TBX3: variants seen among roughly 807,000 people sequenced by gnomAD.
The protein encoded by TBX3 is T-box transcription factor TBX3.
In TBX3, 11 loss-of-function variants were observed where a neutral mutation model predicts 47.8. The observed-to-expected ratio is 0.23, with a 90% confidence interval of 0.14 to 0.38. The LOEUF is 0.38. Among genes scored for constraint, TBX3 ranks in the 10% least tolerant of loss-of-function variants. The pLI is 1.00. For synonymous variants in TBX3, 500 were observed against 449.3 expected (o/e 1.11, Z -1.43); for missense variants, 927 against 1,022.8 (o/e 0.91, Z 1.28).
chr12:114,680,268 T>A, intron 2 of TBX3: 2 of 447,330 alleles, frequency 4.5e-6, no homozygotes, highest in South Asian at 4.7e-5. Flanking sequence ...GTCCTTTGCC[T>A]GATATCTACA....
In TBX3 at chr12:114,672,285, AG is replaced by A; in HGVS notation, c.1727del (p.Pro576LeufsTer36). 1 of 1,567,756 alleles carries A rather than the reference AG, an allele frequency of 6.4e-7. No individual in the cohort carries two copies. Among genetic ancestry groups the A allele is most frequent in the Non-Finnish European group, 8.6e-7 (1 of 1,157,608 alleles). On this transcript the variant is annotated frameshift_variant, in exon 7 of 7. Transcript: ENST00000349155. LOFTEE classifies it high-confidence loss of function. Reference sequence around the variant, plus strand: ...AGGGGTAAGGGAACAGGCTTCCGAAAGGGGACATGGCCAGGCCCTGGGGTGA... The same window carrying A: ...AGGGGTAAGGGAACAGGCTTCCGAAAGGGACATGGCCAGGCCCTGGGGTGA... ...VLASQGLAMSPFGSLFPYPYT... is the reference protein window; with the variant it reads ...VLASQGLAMSXFGSLFPYPYT...
In TBX3 at chr12:114,670,921, TTACA is replaced by T. The variant is rs1592845307; in HGVS notation, c.*916_*919del. On this transcript the variant is annotated 3_prime_UTR_variant, in exon 7 of 7. Transcript: ENST00000349155. Reference sequence around the variant, plus strand: ...CCTATTTACAAGAGTTATCAAATAATTACATAAATACTTTGTCTAATAGTCTCAC... The same window carrying T: ...CCTATTTACAAGAGTTATCAAATAATTAAATACTTTGTCTAATAGTCTCAC... 4.7e-6 allele frequency: 1 copy of T among 214,176 alleles called. No individual in the cohort carries two copies. The highest frequency in any genetic ancestry group is 2.2e-5 in the African/African-American group (1 of 44,448). The allele number at this position is 214,176 out of a possible 1,614,324, so 13.3% of individuals were successfully genotyped here.
chr12:114,682,323 C>T (rs1368425598), intron 1 of TBX3, among the ~76,000 whole-genome samples: 3 of 152,090 alleles, frequency 2.0e-5, no homozygotes, highest in Admixed American at 6.5e-5. Flanking sequence ...GCAGCAGGCC[C>T]CTTTAGACCC....
chr12:114,673,219 C>T (rs1868526662), intron 6 of TBX3, among the ~76,000 whole-genome samples: 1 of 152,212 alleles, frequency 6.6e-6, no homozygotes, highest in Non-Finnish European at 1.5e-5. Flanking sequence ...AGAAGCCAAG[C>T]CTTTCCTCAG....
rs1396572682 is a variant in TBX3 at position 114,670,330 on chromosome 12, C to A, written c.*1511G>T. 1 of 225,262 alleles carries A rather than the reference C, an allele frequency of 4.4e-6. No individual in the cohort carries two copies. Among genetic ancestry groups the A allele is most frequent in the Non-Finnish European group, 8.8e-6 (1 of 113,138 alleles). The allele number at this position is 225,262 out of a possible 1,614,324, so 14.0% of individuals were successfully genotyped here. On this transcript the variant is annotated 3_prime_UTR_variant, in exon 7 of 7. Transcript: ENST00000349155. ...GGGAAAAATACAGAAAACCAAAGAACTCATCAACAACTATAACACAAAATA... is the reference window on the plus strand; with the variant it reads ...GGGAAAAATACAGAAAACCAAAGAAATCATCAACAACTATAACACAAAATA...
At chr12:114,680,349 A>G (rs539425173) in intron 2 of TBX3, 364 of 298,628 alleles carry the variant, frequency 1.2e-3, no homozygotes, top group African/African-American at 6.5e-3. Flanking sequence ...CACACAAACC[A>G]TTTTTTTCTG....
chr12:114,675,729 T>C (rs767646600), intron 5 of TBX3, among the ~76,000 whole-genome samples: 9 of 151,766 alleles, frequency 5.9e-5, no homozygotes, highest in Non-Finnish European at 1.2e-4. Context: ...AGGGGGGATT[T>C]GAGCCATCTT....
intron 3 of TBX3, 148 bp from the exon 4 acceptor site, chr12:114,677,804 C>T: frequency 4.1e-6 from 3 of 735,586 alleles, no homozygotes; most frequent in Non-Finnish European, 7.0e-6. Context: ...AATAAGGAAA[C>T]TGTGGCAGGG....
At chr12:114,672,425 G>T in intron 6 of TBX3, 123 bp from the exon 7 acceptor site, 11 of 683,922 alleles carry the variant, frequency 1.6e-5, no homozygotes, top group Admixed American at 4.4e-5. Flanking sequence ...TTCTGTTGTT[G>T]TTGTTGTTGT....
In TBX3 at chr12:114,683,237, A is replaced by G; in HGVS notation, c.-37T>C. The G allele has an allele frequency of 6.2e-7, 1 of 1,604,374 alleles. No homozygotes were observed. The highest frequency in any genetic ancestry group is 1.1e-5 in the South Asian group (1 of 90,856). ...GGGGCGCTGGGCTCCAGCCGGGGAC[A>G]AGTCCGCAGCTGCTGTGTTTTGTTG... On this transcript the variant is annotated 5_prime_UTR_variant, in exon 1 of 7. Coordinates refer to ENST00000349155, the MANE Select transcript of TBX3 (RefSeq NM_005996.4). This position sits in a 1 kb window ranked among gnomAD's most constrained non-coding sequence, Gnocchi z 7.7.
chr12:114,676,410 C>T lies in TBX3; in HGVS notation c.942G>A (p.Gly314=), dbSNP rs1164549115. The change falls in exon 5 of 7, where the codon GGG becomes GGA. Residue 314 remains glycine, a synonymous_variant. Transcript: ENST00000349155. ...GTTCACTGGAGGACTCATCAGAGGT[C>T]CCATTCTCCTTTTTGTGTCTTTCAT... is the stretch of plus-strand genomic sequence containing the variant. ...VFDERHKKEN[G]TSDESSSEQA... is the part of the protein sequence containing the mutation. 2 of 1,614,086 alleles carry T rather than the reference C, an allele frequency of 1.2e-6. No homozygotes were observed. The highest frequency in any genetic ancestry group is 2.7e-5 in the African/African-American group (2 of 74,936).
At chr12:114,677,020 G>A (rs145871085) in intron 4 of TBX3, among the ~76,000 whole-genome samples, 3 of 151,518 alleles carry the variant, frequency 2.0e-5, no homozygotes, top group Non-Finnish European at 4.4e-5. Flanking sequence ...TTTAATGCCC[G>A]CCCCAAGGGG....
Position 114,674,576 on chromosome 12 carries a change from C to T in TBX3, c.1299G>A (p.Glu433=), listed in dbSNP as rs1230243757. The change falls in exon 6 of 7, where the codon GAG becomes GAA. Residue 433 remains glutamate, a synonymous_variant. Transcript: ENST00000349155. ...TGCCCTCGCGAACCGGGCTCCTGCG[C>T]TCCTCCGCGCCCAGGCCGCGAGTGC... is the stretch of plus-strand genomic sequence containing the variant. ...SSSTRGLGAE[E]RRSPVREGTA... is the part of the protein sequence containing the mutation. The T allele has an allele frequency of 1.3e-6, 2 of 1,581,296 alleles. No individual in the cohort carries two copies. The highest frequency in any genetic ancestry group is 1.7e-6 in the Non-Finnish European group (2 of 1,166,540).
rs746325292 is a variant in TBX3, at chr12:114,679,553, C to G, written c.756G>C (p.Leu252Phe). The G allele has an allele frequency of 7.4e-6, 12 of 1,614,052 alleles. No individual in the cohort carries two copies. In the South Asian group the frequency reaches 9.9e-5, roughly 13 times the overall value. Residue 252 changes from leucine to phenylalanine, a missense_variant, in exon 3 of 7, where the codon TTG becomes TTC. This residue lies in a region of TBX3 where 38 missense variants were observed against 77.7 expected (regional missense o/e 0.49). Coordinates refer to ENST00000349155, the MANE Select transcript of TBX3 (RefSeq NM_005996.4). Reference sequence around the variant, plus strand: ...CAGCGATGAATTCAGTTTCGGGGAACAAGTATGTCCGAAATGTACTATAAG... The same window carrying G: ...CAGCGATGAATTCAGTTTCGGGGAAGAAGTATGTCCGAAATGTACTATAAG... Reference protein sequence around the residue: ...KLPYSTFRTYLFPETEFIAVT... With the variant: ...KLPYSTFRTYFFPETEFIAVT...
rs2121375346 is a variant in TBX3, at chr12:114,671,985, G to A, written c.2028C>T (p.Ser676=). The A allele has an allele frequency of 1.2e-6, 2 of 1,601,366 alleles. No individual in the cohort carries two copies. The change falls in exon 7 of 7, where the codon TCC becomes TCT. Residue 676 remains serine, a synonymous_variant. Transcript: ENST00000349155. The part of the protein sequence containing the change: ...VDSGSELNSR[S]STLSSSSMSL... ...ACATGGAGCTGGAGGAGAGCGTGGA[G>A]GAGCGGCTGTTGAGTTCAGAGCCCG...
Position 114,672,014 on chromosome 12 carries a change from C to A in TBX3, c.1999G>T (p.Asp667Tyr), listed in dbSNP as rs2121375603. ...CGGCTGTTGAGTTCAGAGCCCGAGT[C>A]CACTGCCACCGAGGCCGGGCTGGCG... ...LAASPASVAV[D>Y]SGSELNSRSS... Residue 667 changes from aspartate to tyrosine, a missense_variant, in exon 7 of 7, where the codon GAC (aspartate) becomes TAC (tyrosine). Physicochemically the swap from Asp to Tyr is radical, Grantham distance 160. Transcript: ENST00000349155. The A allele has an allele frequency of 6.3e-7, 1 of 1,595,406 alleles. No homozygotes were observed. The highest frequency in any genetic ancestry group is 1.1e-5 in the South Asian group (1 of 88,072).
Position 114,674,765 on chromosome 12 carries a change from G to A in TBX3, c.1110C>T (p.Cys370=), listed in dbSNP as rs1330306746. The change falls in exon 6 of 7, where the codon TGC becomes TGT. Residue 370 remains cysteine (C), a synonymous_variant. Coordinates refer to ENST00000349155, the MANE Select transcript of TBX3 (RefSeq NM_005996.4). ...TGGTGGTGGAGATCTTGGCCGCGTC[G>A]CAGGCCTCGGGGCCATGCTCCTCTT... ...ESKEEHGPEA[C]DAAKISTTTS... 1 of 1,587,814 alleles carries A rather than the reference G, an allele frequency of 6.3e-7. No homozygotes were observed.
Position 114,676,293 on chromosome 12 carries a change from A to G in TBX3, c.1039+20T>C. The G allele has an allele frequency of 6.2e-7, 1 of 1,613,044 alleles. No homozygotes were observed. Among genetic ancestry groups the G allele is most frequent in the Non-Finnish European group, 8.5e-7 (1 of 1,179,962 alleles). On this transcript the variant is annotated intron_variant, in intron 5 of 6. Transcript: ENST00000349155. The stretch of plus-strand genomic sequence containing the variant: ...CACGAGGGACTGGAGTCCAGTGATC[A>G]CAAAGGTGACATGGTTTACCTTTGA...
intron 2 of TBX3, chr12:114,680,219 T>C (rs2121151296): frequency 1.9e-6 from 1 of 536,248 alleles, no homozygotes; most frequent in East Asian, 3.2e-5. Flanking sequence ...CTGTTTATTT[T>C]ATTGAAATGT....
Sources: allele counts gnomAD v4.1 joint callset (sites outside exome capture counted in the v4.1 genomes callset), GRCh38; gene constraint gnomAD v4.1.1; regional missense constraint gnomAD v4.1.1; non-coding constraint Gnocchi (gnomAD v3.1); transcripts MANE v1.5; gene names NCBI Gene and HGNC (gene_info 2026-07-23, HGNC 2026-07-21).